AFAP1L2: variants seen among roughly 807,000 people sequenced by gnomAD.
AFAP1L2 encodes actin filament-associated protein 1-like 2.
Under a neutral mutation model 99.3 loss-of-function variants are expected in AFAP1L2, and 46 were observed. The ratio of observed to expected loss-of-function variants is 0.46; its 90% CI spans 0.37 to 0.59. AFAP1L2 has a LOEUF of 0.59. AFAP1L2 is among the 20% of genes least tolerant of loss of function. AFAP1L2 has a pLI of 0.00. For synonymous variants in AFAP1L2, 397 were observed against 419.1 expected (o/e 0.95, Z 0.64); for missense variants, 959 against 1,034.9 (o/e 0.93, Z 1.01).
intron 1 of AFAP1L2, among the ~76,000 whole-genome samples, chr10:114,399,728 T>C (rs1162349118): frequency 6.6e-6 from 1 of 152,198 alleles, no homozygotes; most frequent in Non-Finnish European, 1.5e-5. Context: ...TCTTTCCCAC[T>C]AAGTCTGCTA....
Position 114,314,068 on chromosome 10 carries a change from A to G in AFAP1L2, c.613-18T>C, listed in dbSNP as rs2043708694. The G allele has an allele frequency of 1.2e-6, 2 of 1,602,222 alleles. No individual in the cohort carries two copies. The highest frequency in any genetic ancestry group is 1.7e-6 in the Non-Finnish European group (2 of 1,170,648). The stretch of plus-strand genomic sequence containing the variant: ...TTGTAGCACTGGAAGGAAAGAGAGA[A>G]GATACACCACTTTGCCAGGGGTGCC... On this transcript the variant is annotated intron_variant, in intron 6 of 18. Transcript: ENST00000304129.
Position 114,327,695 on chromosome 10 carries a change from A to G in AFAP1L2, c.315+4108T>C, listed in dbSNP as rs1590206442. 2.0e-5 allele frequency among the ~76,000 whole-genome samples: 3 copies of G among 152,336 alleles called. No individual in the cohort carries two copies. The East Asian group carries it at 5.8e-4, about 29-fold the overall frequency. ...AGCTCAGAAGTCCACAGACTAATAC[A>G]ACTAAATAAGGCTGGCTGTGTTCTA... On this transcript the variant is annotated intron_variant, in intron 4 of 18. Transcript: ENST00000304129.
chr10:114,363,304 G>T, intron 1 of AFAP1L2: 1 of 418,040 alleles, frequency 2.4e-6, no homozygotes, highest in Non-Finnish European at 3.2e-6. Flanking sequence ...CACGACACAC[G>T]CTCTGAGGCA....
chr10:114,379,203 ACT>A (rs1008294471), intron 1 of AFAP1L2, among the ~76,000 whole-genome samples: 18 of 103,706 alleles, frequency 1.7e-4, no homozygotes, highest in South Asian at 4.4e-4. Context: ...ACAGAGTGAG[ACT>A]CTGTCTCAAA....
chr10:114,299,600 G>A (rs1204407261), intron 15 of AFAP1L2, among the ~76,000 whole-genome samples, 185 bp from the exon 16 acceptor site: 3 of 152,236 alleles, frequency 2.0e-5, no homozygotes, highest in African/African-American at 7.2e-5. Flanking sequence ...ACGATGGTGT[G>A]ATGGTTAATA....
chr10:114,315,514 C>CCCG (rs1465124294), intron 6 of AFAP1L2, 46 bp downstream of exon 6: 2 of 1,604,528 alleles, frequency 1.2e-6, no homozygotes, highest in Non-Finnish European at 1.7e-6. Flanking sequence ...CTGCCCCTTC[C>CCCG]CCAAGGAGAG....
chr10:114,403,478 A>AT (rs2138575194), intron 1 of AFAP1L2, among the ~76,000 whole-genome samples: 1 of 152,266 alleles, frequency 6.6e-6, no homozygotes, highest in African/African-American at 2.4e-5. Context: ...TAGAAGCAGC[A>AT]TTTCCTCCCG....
intron 10 of AFAP1L2, 116 bp downstream of exon 10, chr10:114,307,685 ATTCC>A: frequency 1.3e-6 from 1 of 776,528 alleles, no homozygotes. Context: ...CAGGCTCTCC[ATTCC>A]TAGAGATGTT....
intron 2 of AFAP1L2, among the ~76,000 whole-genome samples, chr10:114,337,160 G>A (rs762050573): frequency 6.6e-6 from 1 of 152,242 alleles, no homozygotes; most frequent in Non-Finnish European, 1.5e-5. Flanking sequence ...GTTAACTGCA[G>A]TGCAATGGAG....
chr10:114,285,738 A>G, the AFAP1L2 span, among the ~76,000 whole-genome samples: 1 of 152,252 alleles, frequency 6.6e-6, no homozygotes, highest in Admixed American at 6.5e-5. Context: ...AAGTGGCTAG[A>G]TGGAGACCCT....
At chr10:114,342,513 A>G (rs1162446608) in intron 1 of AFAP1L2, among the ~76,000 whole-genome samples, 3 of 152,194 alleles carry the variant, frequency 2.0e-5, no homozygotes, top group African/African-American at 7.2e-5. Context: ...ATGTGATTTA[A>G]TGAGGAGATT....
At chr10:114,358,920 TAAA>T (rs57335416) in intron 1 of AFAP1L2, among the ~76,000 whole-genome samples, 1 of 150,522 alleles carries the variant, frequency 6.6e-6, no homozygotes, top group Non-Finnish European at 1.5e-5. Flanking sequence ...CATCTCAAAA[TAAA>T]AAAAAAAAGA....
intron 1 of AFAP1L2, among the ~76,000 whole-genome samples, chr10:114,361,683 C>T (rs1486933721): frequency 6.6e-6 from 1 of 152,190 alleles, no homozygotes; most frequent in African/African-American, 2.4e-5. Flanking sequence ...AAGCCAGCTA[C>T]ATCGTTGTGC....
rs1427192056 is a variant in AFAP1L2 at position 114,308,449 on chromosome 10, G to A, written c.951C>T (p.Val317=). 1.2e-6 allele frequency: 2 copies of A among 1,614,110 alleles called. No individual in the cohort carries two copies. The stretch of plus-strand genomic sequence containing the variant: ...TGATGTTACCGTCTTTGGTTTCTGG[G>A]ACCTCAGGGTGGCCATCCACGGAGC... ...YGSSVDGHPE[V]PETKDVKKKC... is the part of the protein sequence containing the mutation. The change falls in exon 9 of 19, where the codon GTC becomes GTT. Residue 317 remains valine (V), a synonymous_variant. Transcript: ENST00000304129.
intron 1 of AFAP1L2, among the ~76,000 whole-genome samples, chr10:114,387,060 C>T (rs2056592859): frequency 6.6e-6 from 1 of 152,212 alleles, no homozygotes; most frequent in Non-Finnish European, 1.5e-5. Flanking sequence ...CCCTGGGTCT[C>T]CATGGCCAGG....
At chr10:114,307,728 G>T in intron 10 of AFAP1L2, 77 bp downstream of exon 10, 2 of 1,253,622 alleles carry the variant, frequency 1.6e-6, no homozygotes, top group Non-Finnish European at 2.3e-6. Flanking sequence ...CCCTGCCTTC[G>T]CTGTCTGAGC....
intron 1 of AFAP1L2, among the ~76,000 whole-genome samples, chr10:114,348,991 T>C (rs1374032016): frequency 2.6e-5 from 4 of 152,228 alleles, no homozygotes; most frequent in African/African-American, 4.8e-5. Context: ...CATGTAGAAC[T>C]TTCTAGGCTC....
downstream of AFAP1L2, chr10:114,291,107 C>T (rs769199355): frequency 5.1e-5 from 64 of 1,249,880 alleles, no homozygotes; most frequent in South Asian, 1.2e-4. Flanking sequence ...CTGCTGGGGG[C>T]GAGGTGGGTT....
chr10:114,334,540 C>T (rs1332606317), intron 2 of AFAP1L2, among the ~76,000 whole-genome samples: 1 of 152,220 alleles, frequency 6.6e-6, no homozygotes. Context: ...AAAGCAGGGA[C>T]CCGAGAGCCA....
Sources: gnomAD v4.1 joint callset for allele counts (sites outside exome capture counted in the v4.1 genomes callset) on GRCh38, gnomAD v4.1.1 for gene constraint, MANE v1.5 for transcripts, NCBI Gene and HGNC (gene_info 2026-07-23, HGNC 2026-07-21) for gene names.